DCHS2: variants seen among roughly 807,000 people sequenced by gnomAD.
DCHS2 encodes the protein dachsous cadherin-related 2.
A neutral mutation model predicts 182.4 loss-of-function variants in DCHS2; 142 were observed. The ratio of observed to expected loss-of-function variants is 0.78; its 90% confidence interval spans 0.68 to 0.89. DCHS2 has a LOEUF of 0.89. DCHS2 is among the 40% of genes least tolerant of loss of function. The pLI, the probability that DCHS2 is intolerant of heterozygous loss-of-function variation, is 0.00. For missense variants in DCHS2, 4,319 were observed against 4,198.6 expected (o/e 1.03, Z -0.79); for synonymous variants, 1,740 against 1,663.3 (o/e 1.05, Z -1.12).
In DCHS2 at chr4:154,304,847, C is replaced by A. The variant is rs569086441; in HGVS notation, c.5427G>T (p.Leu1809Phe). The change falls in exon 12 of 20, where the codon TTG (leucine) becomes TTT (phenylalanine). Residue 1809 changes from leucine (L) to phenylalanine (F), a missense_variant. Transcript: ENST00000357232. ...TGCAGAGGATTGTTGTGGTGCTGGA[C>A]AATGAAGGGAATCCCCCATCTCGTA... ...VLVRDGGFPS[L>F]SSTTTILCTV... 4 of 1,612,908 alleles carry A rather than the reference C, an allele frequency of 2.5e-6. No individual in the cohort carries two copies. In the African/African-American group the frequency reaches 4.0e-5, roughly 16 times the overall value.
chr4:154,355,702 T>G (rs983338899), intron 3 of DCHS2: 3 of 152,142 alleles, frequency 2.0e-5, no homozygotes, highest in Non-Finnish European at 4.4e-5. Flanking sequence ...CAACGGCCCA[T>G]GCACTTACGA....
intron 9 of DCHS2, among the ~76,000 whole-genome samples, chr4:154,316,767 G>A (rs924164539): frequency 1.3e-5 from 2 of 152,056 alleles, no homozygotes; most frequent in African/African-American, 4.8e-5. Flanking sequence ...CTGGGCAACA[G>A]AGCAAGACTC....
At chr4:154,445,620 G>A (rs1056262195) in intron 1 of DCHS2, among the ~76,000 whole-genome samples, 4 of 152,068 alleles carry the variant, frequency 2.6e-5, no homozygotes, top group African/African-American at 7.2e-5. Flanking sequence ...ACTAGCGTGG[G>A]CAACATAGTG....
At chr4:154,244,687 T>A (rs979543204) in intron 16 of DCHS2, among the ~76,000 whole-genome samples, 1 of 152,164 alleles carries the variant, frequency 6.6e-6, no homozygotes, top group Non-Finnish European at 1.5e-5. Flanking sequence ...TAATATTAAA[T>A]CATCAGGGCT....
At chr4:154,431,860 A>G (rs1317015399) in intron 1 of DCHS2, among the ~76,000 whole-genome samples, 1 of 109,166 alleles carries the variant, frequency 9.2e-6, no homozygotes, top group Non-Finnish European at 2.3e-5. Flanking sequence ...AATGCCCAAT[A>G]AGCCTAAGGC....
intron 1 of DCHS2, among the ~76,000 whole-genome samples, chr4:154,466,935 G>A (rs565741373): frequency 6.6e-6 from 1 of 152,166 alleles, no homozygotes; most frequent in East Asian, 1.9e-4. Flanking sequence ...TGGTCAACAA[G>A]GTTCCAAGAG....
chr4:154,254,074 G>T (rs1732526348), intron 16 of DCHS2, among the ~76,000 whole-genome samples: 1 of 152,122 alleles, frequency 6.6e-6, no homozygotes, highest in African/African-American at 2.4e-5. Flanking sequence ...TATTTCTGTT[G>T]CCTTATCAGC....
At chr4:154,351,713 A>C (rs1235397000) in intron 3 of DCHS2, among the ~76,000 whole-genome samples, 4 of 152,150 alleles carry the variant, frequency 2.6e-5, no homozygotes, top group African/African-American at 9.7e-5. Context: ...TTAGATTCTC[A>C]TAAGGAGCAC....
chr4:154,468,495 T>C (rs1474033812), intron 1 of DCHS2, among the ~76,000 whole-genome samples: 1 of 152,176 alleles, frequency 6.6e-6, no homozygotes, highest in Non-Finnish European at 1.5e-5. Flanking sequence ...TATTTATGAA[T>C]ATGTTCATTA....
chr4:154,259,348 C>T (rs1398309498), intron 15 of DCHS2, among the ~76,000 whole-genome samples, 197 bp downstream of exon 15: 2 of 152,136 alleles, frequency 1.3e-5, no homozygotes, highest in Non-Finnish European at 1.5e-5. Context: ...GAGGAAGAGA[C>T]AGTGCAAGAA....
chr4:154,373,221 C>T (rs930693842), intron 2 of DCHS2, among the ~76,000 whole-genome samples: 9 of 152,146 alleles, frequency 5.9e-5, no homozygotes, highest in East Asian at 3.8e-4. Flanking sequence ...TGAGTCATTA[C>T]CAACTTTGTC....
intron 13 of DCHS2, among the ~76,000 whole-genome samples, chr4:154,291,179 A>G (rs971938062): frequency 5.3e-5 from 8 of 152,178 alleles, no homozygotes; most frequent in Admixed American, 2.6e-4. Context: ...AAACAGGTAT[A>G]AGAAAAGGTG....
In DCHS2 at chr4:154,298,684, G is replaced by A. The variant is rs1377179562; in HGVS notation, c.5630C>T (p.Thr1877Ile). 6.3e-7 allele frequency: 1 copy of A among 1,593,038 alleles called. No homozygotes were observed. The highest frequency in any genetic ancestry group is 8.5e-7 in the Non-Finnish European group (1 of 1,172,304). Reference sequence around the variant, plus strand: ...GAGTTCTCCTGACATCTCATTTATAGTAAAGCACTCATCAGTATTTCCATC... The same window carrying A: ...GAGTTCTCCTGACATCTCATTTATAATAAAGCACTCATCAGTATTTCCATC... The part of the protein sequence containing the change: ...IIDGNTDECF[T>I]INEMSGELST... The change falls in exon 13 of 20, where the codon ACT becomes ATT. Residue 1877 changes from threonine (T) to isoleucine (I), a missense_variant. Transcript: ENST00000357232.
chr4:154,444,752 G>A (rs1036669445), intron 1 of DCHS2, among the ~76,000 whole-genome samples: 2 of 152,156 alleles, frequency 1.3e-5, no homozygotes, highest in Admixed American at 1.3e-4. Flanking sequence ...TCCACACTCA[G>A]GATAAGATGC....
At chr4:154,419,395 A>T (rs1307058450) in intron 1 of DCHS2, among the ~76,000 whole-genome samples, 2 of 152,178 alleles carry the variant, frequency 1.3e-5, no homozygotes, top group African/African-American at 4.8e-5. Flanking sequence ...ATTATATTTT[A>T]AAAATGCTAC....
At chr4:154,266,604 C>T (rs12503824) in intron 14 of DCHS2, among the ~76,000 whole-genome samples, 8,836 of 149,470 alleles carry the variant, frequency 0.059, 514 homozygotes, top group Admixed American at 0.18. Flanking sequence ...GGCAGAGAAC[C>T]GAGATCATGC....
At chr4:154,238,524 T>C in intron 19 of DCHS2, among the ~76,000 whole-genome samples, 1 of 152,200 alleles carries the variant, frequency 6.6e-6, no homozygotes, top group East Asian at 1.9e-4. Context: ...GTCCACTCAC[T>C]GTTCAACTTT....
chr4:154,490,844 G>C lies in DCHS2; in HGVS notation c.512C>G (p.Ser171Cys). Residue 171 changes from serine (S) to cysteine (C), a missense_variant, in exon 1 of 20, where the codon TCC becomes TGC. Transcript: ENST00000357232. Reference protein sequence around the residue: ...NDHSPRFPLDSLQLDVSELSP... With the variant: ...NDHSPRFPLDCLQLDVSELSP... ...GAGCTCGGAGACGTCGAGTTGCAGGGAGTCGAGGGGAAAGCGGGGCGAGTG... is the reference window on the plus strand; with the variant it reads ...GAGCTCGGAGACGTCGAGTTGCAGGCAGTCGAGGGGAAAGCGGGGCGAGTG... 6.4e-7 allele frequency: 1 copy of C among 1,551,648 alleles called. No individual in the cohort carries two copies. The highest frequency in any genetic ancestry group is 8.7e-7 in the Non-Finnish European group (1 of 1,146,952).
At chr4:154,305,858 T>G (rs1225916372) in intron 10 of DCHS2, among the ~76,000 whole-genome samples, 3 of 152,242 alleles carry the variant, frequency 2.0e-5, no homozygotes, top group African/African-American at 7.2e-5. Flanking sequence ...CATCTCTGGT[T>G]ATGAAGATCA....
Sources: allele counts gnomAD v4.1 joint callset (sites outside exome capture counted in the v4.1 genomes callset), GRCh38; gene constraint gnomAD v4.1.1; transcripts MANE v1.5; gene names NCBI Gene and HGNC (gene_info 2026-07-23, HGNC 2026-07-21).